PRKG1: variants seen among roughly 807,000 people sequenced by gnomAD.
The protein encoded by PRKG1 is protein kinase cGMP-dependent 1.
PRKG1 carries 35 observed loss-of-function variants against 88.1 expected under a neutral mutation model. The observed-to-expected ratio is 0.40, with a 90% CI of 0.30 to 0.53. PRKG1 has a LOEUF of 0.53. Among genes scored for constraint, PRKG1 ranks in the 20% least tolerant of loss-of-function variants. The pLI, the probability that PRKG1 is intolerant of heterozygous loss-of-function variation, is 0.59. For synonymous variants in PRKG1, 303 were observed against 292.5 expected (o/e 1.04, Z -0.37); for missense variants, 540 against 839.8 (o/e 0.64, Z 4.41).
chr10:51,853,669 A>G (rs1037383095), intron 4 of PRKG1, among the ~76,000 whole-genome samples: 2 of 152,146 alleles, frequency 1.3e-5, no homozygotes, highest in Non-Finnish European at 2.9e-5. Flanking sequence ...AATACTAAAT[A>G]ACTATATGCT....
At chr10:51,289,596 G>C (rs906786901) in intron 2 of PRKG1, among the ~76,000 whole-genome samples, 2 of 151,834 alleles carry the variant, frequency 1.3e-5, no homozygotes, top group African/African-American at 4.8e-5. Context: ...GAGTCACCTA[G>C]GATACTTGGG....
chr10:51,282,877 G>T (rs962305496), intron 2 of PRKG1, among the ~76,000 whole-genome samples: 4 of 151,940 alleles, frequency 2.6e-5, no homozygotes, highest in Middle Eastern at 3.4e-3. Flanking sequence ...TTTTAGATTT[G>T]GGGGGTACAT....
intron 2 of PRKG1, among the ~76,000 whole-genome samples, chr10:51,341,839 A>G (rs558441588): frequency 1.3e-5 from 2 of 152,278 alleles, no homozygotes; most frequent in Non-Finnish European, 2.9e-5. Context: ...CAGAAGGCAA[A>G]TGAGGAGCAA....
At chr10:51,637,743 A>G (rs367730074) in intron 3 of PRKG1, among the ~76,000 whole-genome samples, 5 of 152,220 alleles carry the variant, frequency 3.3e-5, no homozygotes, top group African/African-American at 1.2e-4. Context: ...ACATGGGGGG[A>G]AACTACACAC....
chr10:51,431,848 G>T (rs1838779168), intron 2 of PRKG1, among the ~76,000 whole-genome samples: 1 of 152,016 alleles, frequency 6.6e-6, no homozygotes, highest in African/African-American at 2.4e-5. Flanking sequence ...TTGTTAGTTT[G>T]TTTCTCTTTT....
intron 5 of PRKG1, among the ~76,000 whole-genome samples, chr10:51,935,769 T>C (rs1350310316): frequency 6.6e-6 from 1 of 152,164 alleles, no homozygotes; most frequent in Non-Finnish European, 1.5e-5. Flanking sequence ...TATTGGCTAT[T>C]ATATTGTCAC....
At chr10:51,690,489 T>C (rs1253194532) in intron 3 of PRKG1, among the ~76,000 whole-genome samples, 1 of 152,184 alleles carries the variant, frequency 6.6e-6, no homozygotes, top group Admixed American at 6.5e-5. Context: ...TGAAAGTTTA[T>C]ATAGTGGGTC....
chr10:51,749,380 G>A (rs1051239032), intron 3 of PRKG1, among the ~76,000 whole-genome samples: 5 of 152,104 alleles, frequency 3.3e-5, no homozygotes, highest in African/African-American at 1.2e-4. Context: ...AGCTGGTGAG[G>A]GCCCAATTCC....
chr10:51,715,753 C>A (rs138930452), intron 3 of PRKG1, among the ~76,000 whole-genome samples: 1 of 152,094 alleles, frequency 6.6e-6, no homozygotes, highest in Non-Finnish European at 1.5e-5. Context: ...ATGATGTAAA[C>A]GGCCCTGATA....
chr10:51,763,099 T>C (rs992718679), intron 3 of PRKG1, among the ~76,000 whole-genome samples: 4 of 152,230 alleles, frequency 2.6e-5, no homozygotes, highest in African/African-American at 7.2e-5. Context: ...ATCTATATGA[T>C]AATATGACTG....
At chr10:51,001,443 A>G (rs1842888612) in intron 1 of PRKG1, among the ~76,000 whole-genome samples, 3 of 152,246 alleles carry the variant, frequency 2.0e-5, no homozygotes, top group Non-Finnish European at 2.9e-5. Context: ...CTTTGATAGG[A>G]TACACATTTA....
intron 3 of PRKG1, among the ~76,000 whole-genome samples, chr10:51,616,179 CT>C (rs2132253380): frequency 6.6e-6 from 1 of 152,224 alleles, no homozygotes; most frequent in East Asian, 1.9e-4. Flanking sequence ...ATGGACTGGC[CT>C]GCAGGCCCCA....
At position 51,033,514 on chromosome 10, in the gene PRKG1, A is replaced by C. The variant is rs552405687; in HGVS notation, c.266+41870A>C. 8.5e-5 allele frequency among the ~76,000 whole-genome samples: 13 copies of C among 152,312 alleles called. No homozygotes were observed. The South Asian group carries it at 2.5e-3, about 29-fold the overall frequency. On this transcript the variant is annotated intron_variant, in intron 1 of 17. Transcript: ENST00000401604. ...TTATACTTATCTTTGAATAACAGGA[A>C]TCAGTTTCATCCCTTAATGTCAGGA... is the stretch of plus-strand genomic sequence containing the variant.
chr10:51,460,156 G>T (rs1380175875), intron 2 of PRKG1, among the ~76,000 whole-genome samples: 1 of 151,980 alleles, frequency 6.6e-6, no homozygotes, highest in East Asian at 1.9e-4. Flanking sequence ...GTGACAACCA[G>T]GAATGTTTCC....
intron 3 of PRKG1, among the ~76,000 whole-genome samples, chr10:51,594,382 G>C (rs1838389307): frequency 6.6e-6 from 1 of 152,120 alleles, no homozygotes; most frequent in Non-Finnish European, 1.5e-5. Context: ...ATCATGTTCT[G>C]CAGGTAGCCA....
chr10:51,368,870 G>T (rs971885515), intron 2 of PRKG1, among the ~76,000 whole-genome samples: 2 of 152,066 alleles, frequency 1.3e-5, no homozygotes, highest in Admixed American at 6.6e-5. Flanking sequence ...ACAACCATCA[G>T]GAAGTAGTCT....
chr10:52,003,466 T>C (rs758205029), intron 5 of PRKG1, among the ~76,000 whole-genome samples: 3 of 152,198 alleles, frequency 2.0e-5, no homozygotes, highest in African/African-American at 4.8e-5. Context: ...CTATGAAACA[T>C]TGTAAGAACA....
intron 5 of PRKG1, among the ~76,000 whole-genome samples, chr10:52,030,726 C>CA (rs1451468472): frequency 6.6e-6 from 1 of 152,146 alleles, no homozygotes. Flanking sequence ...TCAGCACAAT[C>CA]AATCACTGAT....
chr10:51,617,239 C>T (rs772359668), intron 3 of PRKG1, among the ~76,000 whole-genome samples: 35 of 152,136 alleles, frequency 2.3e-4, no homozygotes, highest in Admixed American at 9.2e-4. Flanking sequence ...TCATGGTCTC[C>T]GACTCACAGG....
Sources: gnomAD v4.1 joint callset for allele counts (sites outside exome capture counted in the v4.1 genomes callset) on GRCh38, gnomAD v4.1.1 for gene constraint, MANE v1.5 for transcripts, NCBI Gene and HGNC (gene_info 2026-07-23, HGNC 2026-07-21) for gene names.